Variants in TMEM131L observed in about 807,000 individuals in gnomAD.
The protein encoded by TMEM131L is transmembrane 131 like.
Under a neutral mutation model 192.2 loss-of-function variants are expected in TMEM131L, and 54 were observed. That is an observed-to-expected ratio of 0.28 (90% CI 0.23 to 0.35). The LOEUF (loss-of-function observed/expected upper bound fraction) is 0.35. Ranked by LOEUF, TMEM131L falls within the 10% of genes least tolerant of loss-of-function variation. The pLI is 1.00. For missense variants in TMEM131L, 1,888 were observed against 1,972.9 expected (o/e 0.96, Z 0.82); for synonymous variants, 701 against 704.9 (o/e 0.99, Z 0.09).
intron 3 of TMEM131L, among the ~76,000 whole-genome samples, chr4:153,489,529 G>T (rs1732614512): frequency 6.6e-6 from 1 of 152,184 alleles, no homozygotes; most frequent in Non-Finnish European, 1.5e-5. Context: ...TCAGGCTGGA[G>T]TGCGGTGGTA....
chr4:153,535,998 T>A (rs574371613), intron 3 of TMEM131L, among the ~76,000 whole-genome samples: 1 of 152,294 alleles, frequency 6.6e-6, no homozygotes, highest in South Asian at 2.1e-4. Flanking sequence ...GAATGGGTAT[T>A]TATTGAGAGA....
At chr4:153,573,379 G>C (rs1729722060) in intron 7 of TMEM131L, among the ~76,000 whole-genome samples, 1 of 152,240 alleles carries the variant, frequency 6.6e-6, no homozygotes, top group African/African-American at 2.4e-5. Flanking sequence ...TTCAGGGCCT[G>C]TGCCAGACAT....
intron 2 of TMEM131L, 119 bp downstream of exon 2, chr4:153,467,400 C>CAAAT: frequency 1.2e-6 from 1 of 849,452 alleles, no homozygotes; most frequent in South Asian, 1.6e-5. Context: ...CTTTGCAAGG[C>CAAAT]AAATAAACGT....
At chr4:153,521,975 C>A (rs1238069858) in intron 3 of TMEM131L, among the ~76,000 whole-genome samples, 1 of 151,906 alleles carries the variant, frequency 6.6e-6, no homozygotes, top group African/African-American at 2.4e-5. Flanking sequence ...ATTCCCCTAC[C>A]CAACATAACT....
intron 3 of TMEM131L, among the ~76,000 whole-genome samples, chr4:153,484,977 G>A (rs1442750605): frequency 6.7e-6 from 1 of 149,824 alleles, no homozygotes; most frequent in East Asian, 2.0e-4. Flanking sequence ...AAATTAGCTG[G>A]GCGTGGTGGC....
intron 25 of TMEM131L, among the ~76,000 whole-genome samples, chr4:153,604,637 C>T (rs1021635749): frequency 1.3e-5 from 2 of 152,148 alleles, no homozygotes; most frequent in Non-Finnish European, 2.9e-5. Context: ...AATTTTAGTA[C>T]ATAAGTTTAG....
At position 153,523,285 on chromosome 4, in the gene TMEM131L, G is replaced by A. The variant is rs367853013; in HGVS notation, c.240-26788G>A. Among the ~76,000 whole-genome samples, 11 of 152,182 alleles carry A rather than the reference G, an allele frequency of 7.2e-5. No homozygotes were observed. In the East Asian group the frequency reaches 7.7e-4, roughly 11 times the overall value. ...TTGCCTTTTAAGTGGAAGTATTTGT[G>A]AAACGTATGAATTTCCTAGTATCCC... On this transcript the variant is annotated intron_variant, in intron 3 of 34. Coordinates refer to ENST00000409959, the MANE Select transcript of TMEM131L (RefSeq NM_001131007.2).
At position 153,596,291 on chromosome 4, in the gene TMEM131L, C is replaced by T. The variant is rs767816688; in HGVS notation, c.2029C>T (p.Leu677Phe). 7 of 1,613,970 alleles carry T rather than the reference C, an allele frequency of 4.3e-6. No individual in the cohort carries two copies. Among genetic ancestry groups the T allele is most frequent in the Non-Finnish European group, 5.1e-6 (6 of 1,179,874 alleles). The change falls in exon 20 of 35, where the codon CTC (leucine) becomes TTC (phenylalanine). Residue 677 changes from leucine to phenylalanine, a missense_variant. Physicochemically the swap from Leu to Phe is conservative, Grantham distance 22. Transcript: ENST00000409959. ...TTCTGAGGAATCCAGGTTTGGCATC[C>T]TCCACTTACATCTGCAGCCTTTGGA... ...THSEESRFGI[L>F]HLHLQPLEMK...
intron 3 of TMEM131L, among the ~76,000 whole-genome samples, chr4:153,548,061 C>T (rs778632925): frequency 5.3e-5 from 8 of 152,028 alleles, no homozygotes; most frequent in Non-Finnish European, 1.2e-4. Context: ...TGGCCAGCTC[C>T]GTCTGGAGTA....
Position 153,497,897 on chromosome 4 carries a change from AAAG to A in TMEM131L, c.239+24012_239+24014del, listed in dbSNP as rs1170059065. On this transcript the variant is annotated intron_variant, in intron 3 of 34. Transcript: ENST00000409959. ...AATTTCCAAAAAAAAAAAAAAAAAAAAAGAAAAGTTGAGAGACTTGTACGGTGA... is the reference window on the plus strand; with the variant it reads ...AATTTCCAAAAAAAAAAAAAAAAAAAAAAAGTTGAGAGACTTGTACGGTGA... Among the ~76,000 whole-genome samples, 70 of 150,730 alleles carry A rather than the reference AAAG, an allele frequency of 4.6e-4. No individual in the cohort carries two copies. The South Asian group carries it at 6.3e-3, about 13-fold the overall frequency.
chr4:153,533,550 A>G (rs900432678), intron 3 of TMEM131L, among the ~76,000 whole-genome samples: 3 of 152,234 alleles, frequency 2.0e-5, no homozygotes, highest in East Asian at 1.9e-4. Context: ...GCATGCTGCA[A>G]TAACCAATGT....
chr4:153,550,577 C>T (rs921441624), intron 4 of TMEM131L, among the ~76,000 whole-genome samples: 8 of 152,202 alleles, frequency 5.3e-5, no homozygotes, highest in Non-Finnish European at 1.2e-4. Context: ...CCGCCCGCCT[C>T]GGCCTCCCAA....
chr4:153,489,339 A>T (rs548903590), intron 3 of TMEM131L, among the ~76,000 whole-genome samples: 3 of 152,188 alleles, frequency 2.0e-5, no homozygotes, highest in African/African-American at 7.2e-5. Context: ...CGCAGCTGCA[A>T]AACCCACGCA....
chr4:153,581,438 G>T lies in TMEM131L; in HGVS notation c.770G>T (p.Arg257Leu). Residue 257 changes from arginine to leucine, a missense_variant, in exon 9 of 35, where the codon CGT becomes CTT. Arg to Leu is a moderately radical substitution (Grantham distance 102). Coordinates refer to ENST00000409959, the MANE Select transcript of TMEM131L (RefSeq NM_001131007.2). ...GCYLESDDVL[R>L]LQMSIMVTME... ...TATCTGGAATCTGATGATGTTTTGC[G>T]TCTACAAATGAGCATAATGGTAACA... The T allele has an allele frequency of 6.4e-7, 1 of 1,573,930 alleles. No homozygotes were observed. The highest frequency in any genetic ancestry group is 8.6e-7 in the Non-Finnish European group (1 of 1,158,158).
In TMEM131L at chr4:153,603,920, G is replaced by A. The variant is rs148745131; in HGVS notation, c.2908G>A (p.Ala970Thr). The A allele has an allele frequency of 5.3e-5, 85 of 1,613,936 alleles. No individual in the cohort carries two copies. The highest frequency in any genetic ancestry group is 6.6e-5 in the Non-Finnish European group (78 of 1,179,980). Reference protein sequence around the residue: ...RIQNAAKRSPATYGHSQKKHK... With the variant: ...RIQNAAKRSPTTYGHSQKKHK... The stretch of plus-strand genomic sequence containing the variant: ...CCAGAATGCTGCAAAGAGGAGCCCA[G>A]CCACCTATGGTCATTCTCAGAAGAA... Residue 970 changes from alanine (A) to threonine (T), a missense_variant, in exon 25 of 35, where the codon GCC becomes ACC. Coordinates refer to ENST00000409959, the MANE Select transcript of TMEM131L (RefSeq NM_001131007.2).
At position 153,602,582 on chromosome 4, in the gene TMEM131L, C is replaced by T. The variant is rs1416521279; in HGVS notation, c.2494C>T (p.Leu832=). 6.2e-7 allele frequency: 1 copy of T among 1,614,106 alleles called. No individual in the cohort carries two copies. The highest frequency in any genetic ancestry group is 2.2e-5 in the East Asian group (1 of 44,890). ...DFTSSWVIRD[L]SLVTAADLEF... is the part of the protein sequence containing the mutation. The stretch of plus-strand genomic sequence containing the variant: ...TACCTCCTCCTGGGTAATTCGGGAC[C>T]TAAGTCTTGTAACCGCAGCGGACCT... The change falls in exon 23 of 35, where the codon CTA becomes TTA. Residue 832 remains leucine (L), a synonymous_variant. Coordinates refer to ENST00000409959, the MANE Select transcript of TMEM131L (RefSeq NM_001131007.2).
At chr4:153,539,823 T>C (rs1736633597) in intron 3 of TMEM131L, among the ~76,000 whole-genome samples, 1 of 151,078 alleles carries the variant, frequency 6.6e-6, no homozygotes, top group African/African-American at 2.4e-5. Flanking sequence ...AAAAAACACC[T>C]GTCAGGGCCG....
At chr4:153,598,541 C>A in intron 20 of TMEM131L, 49 bp from the exon 21 acceptor site, 4 of 1,506,852 alleles carry the variant, frequency 2.7e-6, no homozygotes, top group East Asian at 2.3e-5. Context: ...TACATTGTAC[C>A]TTGTGACTCC....
chr4:153,589,278 G>A (rs1455279509), intron 16 of TMEM131L, among the ~76,000 whole-genome samples: 1 of 152,044 alleles, frequency 6.6e-6, no homozygotes, highest in Non-Finnish European at 1.5e-5. Context: ...TGGGTAAAAG[G>A]AAGCACTTTA....
Sources: gnomAD v4.1 joint callset for allele counts (sites outside exome capture counted in the v4.1 genomes callset) on GRCh38, gnomAD v4.1.1 for gene constraint, MANE v1.5 for transcripts, NCBI Gene and HGNC (gene_info 2026-07-23, HGNC 2026-07-21) for gene names.